The following HDAC9 variants were observed in gnomAD, a reference collection of about 807,000 sequenced individuals.
HDAC9 encodes the protein histone deacetylase 9.
In HDAC9, 41 loss-of-function variants were observed where a neutral mutation model predicts 139.4. The observed-to-expected ratio is 0.29, with a 90% CI of 0.23 to 0.38. HDAC9 has a LOEUF of 0.38. HDAC9 is among the 10% of genes least tolerant of loss of function. HDAC9 has a pLI of 1.00. For synonymous variants in HDAC9, 517 were observed against 476.2 expected (o/e 1.09, Z -1.12); for missense variants, 1,147 against 1,297.0 (o/e 0.88, Z 1.78).
At chr7:18,588,113 A>G (rs1387508395) in intron 3 of HDAC9, among the ~76,000 whole-genome samples, 1 of 152,184 alleles carries the variant, frequency 6.6e-6, no homozygotes, top group Admixed American at 6.5e-5. Context: ...GCTTCTAACT[A>G]TGTCCTTCTG....
chr7:18,535,316 A>G (rs1810503728), intron 2 of HDAC9, among the ~76,000 whole-genome samples: 1 of 152,064 alleles, frequency 6.6e-6, no homozygotes, highest in South Asian at 2.1e-4. Flanking sequence ...TCACCCCCAA[A>G]TTGATATAAT....
intron 2 of HDAC9, among the ~76,000 whole-genome samples, chr7:18,240,824 A>G (rs35676223): frequency 1.4e-4 from 21 of 152,104 alleles, no homozygotes; most frequent in African/African-American, 5.1e-4. Flanking sequence ...TGGTTCTTGC[A>G]TACAGCAAAC....
At position 18,755,630 on chromosome 7, in the gene HDAC9, G is replaced by A. The variant is rs1158905876; in HGVS notation, c.2043+6492G>A. Reference sequence around the variant, plus strand: ...TTGCATAAAGGATTGTGAAAATTGAGCAGTTAGACTAAGGGATAACATTTT... The same window carrying A: ...TTGCATAAAGGATTGTGAAAATTGAACAGTTAGACTAAGGGATAACATTTT... On this transcript the variant is annotated intron_variant, in intron 14 of 25. Coordinates refer to ENST00000686413, the MANE Select transcript of HDAC9 (RefSeq NM_178425.4). Among the ~76,000 whole-genome samples, 4 of 152,080 alleles carry A rather than the reference G, an allele frequency of 2.6e-5. No homozygotes were observed. In the East Asian group the frequency reaches 5.8e-4, roughly 22 times the overall value.
chr7:18,629,124 T>C (rs1432968785), intron 6 of HDAC9, among the ~76,000 whole-genome samples: 1 of 152,108 alleles, frequency 6.6e-6, no homozygotes, highest in African/African-American at 2.4e-5. Context: ...TACTTTCATA[T>C]TTAGAGAAGT....
chr7:18,230,273 A>T (rs1793358221), intron 2 of HDAC9, among the ~76,000 whole-genome samples: 1 of 152,168 alleles, frequency 6.6e-6, no homozygotes, highest in South Asian at 2.1e-4. Flanking sequence ...GAAAAATGAA[A>T]ATGTGGGAAT....
At chr7:18,730,289 C>T (rs569325967) in intron 13 of HDAC9, among the ~76,000 whole-genome samples, 6 of 152,118 alleles carry the variant, frequency 3.9e-5, no homozygotes, top group South Asian at 4.1e-4. Flanking sequence ...TCCCCTGTAG[C>T]CTGAAAACTA....
intron 2 of HDAC9, among the ~76,000 whole-genome samples, chr7:18,259,232 G>A (rs2128205569): frequency 6.6e-6 from 1 of 152,240 alleles, no homozygotes; most frequent in East Asian, 1.9e-4. Flanking sequence ...GCCTCCCAAA[G>A]TGCTGGGATT....
intron 1 of HDAC9, chr7:18,430,869 A>G (rs1011026868): frequency 1.3e-5 from 2 of 152,514 alleles, no homozygotes; most frequent in African/African-American, 4.8e-5. Flanking sequence ...CCTGGACAAC[A>G]GAGTGAGACT....
intron 13 of HDAC9, among the ~76,000 whole-genome samples, chr7:18,743,651 C>G (rs972989222): frequency 6.6e-5 from 10 of 150,668 alleles, no homozygotes; most frequent in African/African-American, 2.2e-4. Flanking sequence ...AACTGCACTT[C>G]AGCCTAGGTG....
intron 1 of HDAC9, among the ~76,000 whole-genome samples, chr7:18,160,708 C>G (rs1021585772): frequency 3.3e-5 from 5 of 152,014 alleles, no homozygotes; most frequent in Admixed American, 1.3e-4. Context: ...CCTCTGCCTC[C>G]CGGGTTCAAG....
intron 1 of HDAC9, among the ~76,000 whole-genome samples, chr7:18,353,095 T>C (rs963235234): frequency 6.6e-6 from 1 of 152,202 alleles, no homozygotes; most frequent in African/African-American, 2.4e-5. Context: ...AAACCAACTC[T>C]TTATGTAATC....
chr7:18,910,037 G>C (rs1308818520), intron 22 of HDAC9, among the ~76,000 whole-genome samples: 1 of 151,850 alleles, frequency 6.6e-6, no homozygotes, highest in Non-Finnish European at 1.5e-5. Context: ...GTCCAATGCT[G>C]AGAGAGTGGG....
chr7:18,414,334 T>A (rs1562964619), intron 1 of HDAC9, among the ~76,000 whole-genome samples: 1 of 152,070 alleles, frequency 6.6e-6, no homozygotes, highest in Non-Finnish European at 1.5e-5. Flanking sequence ...AAAAAGTAAC[T>A]TTAATGTTTT....
intron 25 of HDAC9, among the ~76,000 whole-genome samples, chr7:18,976,932 A>T (rs1193090998): frequency 2.0e-5 from 3 of 152,166 alleles, no homozygotes; most frequent in Non-Finnish European, 4.4e-5. Flanking sequence ...CAGGTTGGCA[A>T]TTTTCCCAAG....
chr7:18,365,777 T>TTA (rs1784131372), intron 1 of HDAC9, among the ~76,000 whole-genome samples: 1 of 152,104 alleles, frequency 6.6e-6, no homozygotes, highest in Non-Finnish European at 1.5e-5. Flanking sequence ...TTTGGGCAAA[T>TTA]TATAGTTAAG....
chr7:18,142,202 C>G (rs1165201355), intron 1 of HDAC9, among the ~76,000 whole-genome samples: 2 of 152,102 alleles, frequency 1.3e-5, no homozygotes, highest in Non-Finnish European at 2.9e-5. Context: ...TCCGATGCCC[C>G]TAAGCATATT....
chr7:18,678,460 A>G (rs1257011696), intron 12 of HDAC9, among the ~76,000 whole-genome samples: 2 of 151,886 alleles, frequency 1.3e-5, no homozygotes, highest in Non-Finnish European at 2.9e-5. Context: ...CCAGTTACAC[A>G]TAGAGTAGAC....
chr7:18,387,213 G>T (rs1381460487), intron 1 of HDAC9, among the ~76,000 whole-genome samples: 4 of 152,116 alleles, frequency 2.6e-5, no homozygotes, highest in African/African-American at 7.2e-5. Context: ...GGATCAAGGG[G>T]GGAATCTACC....
chr7:18,907,658 C>G (rs770798263), intron 22 of HDAC9, among the ~76,000 whole-genome samples: 1 of 152,188 alleles, frequency 6.6e-6, no homozygotes, highest in Non-Finnish European at 1.5e-5. Context: ...ACCTATAATC[C>G]TCTGTATCAT....
Sources: gnomAD v4.1 joint callset for allele counts (sites outside exome capture counted in the v4.1 genomes callset) on GRCh38, gnomAD v4.1.1 for gene constraint, MANE v1.5 for transcripts, NCBI Gene and HGNC (gene_info 2026-07-23, HGNC 2026-07-21) for gene names.